The following CAST variants were observed in gnomAD, a reference collection of about 807,000 sequenced individuals.
The protein encoded by CAST is calpastatin, also known as MIR583 host.
Under a neutral mutation model 119.6 loss-of-function variants are expected in CAST, and 76 were observed. The observed-to-expected ratio is 0.64, with a 90% confidence interval of 0.53 to 0.77. CAST has a LOEUF of 0.77. Among genes scored for constraint, CAST ranks in the 30% least tolerant of loss-of-function variants. CAST has a pLI of 0.00. For missense variants in CAST, 953 were observed against 946.5 expected (o/e 1.01, Z -0.09); for synonymous variants, 319 against 331.6 (o/e 0.96, Z 0.41).
At chr5:96,035,047 A>ATATATATATATATATATTTAAG in the CAST span, among the ~76,000 whole-genome samples, 7 of 92,850 alleles carry the variant, frequency 7.5e-5, 1 homozygote, top group South Asian at 4.5e-4. Flanking sequence ...TTAAGTATAT[A>ATATATATATATATATATTTAAG]TATATATATA....
At chr5:96,485,906 G>A in the CAST span, among the ~76,000 whole-genome samples, 1 of 152,078 alleles carries the variant, frequency 6.6e-6, no homozygotes, top group Non-Finnish European at 1.5e-5. Flanking sequence ...ACAACTAAAA[G>A]TTAAGGTTTT....
chr5:96,215,424 G>GA, the CAST span: 1 of 152,126 alleles, frequency 6.6e-6, no homozygotes, highest in Non-Finnish European at 1.5e-5. Flanking sequence ...AATGTAGTGA[G>GA]AAGAGAGGCC....
At chr5:96,074,024 G>A in the CAST span, among the ~76,000 whole-genome samples, 1 of 152,250 alleles carries the variant, frequency 6.6e-6, no homozygotes, top group African/African-American at 2.4e-5. Flanking sequence ...CCCAAGCTAG[G>A]CTAATCACAT....
At chr5:96,469,879 A>ATTATATATATATTAT in the CAST span, among the ~76,000 whole-genome samples, 1 of 107,420 alleles carries the variant, frequency 9.3e-6, no homozygotes, top group Non-Finnish European at 2.2e-5. Context: ...ATATATATAT[A>ATTATATATATATTAT]ATATATATAT....
the CAST span, among the ~76,000 whole-genome samples, chr5:96,265,261 G>A: frequency 6.6e-6 from 1 of 152,002 alleles, no homozygotes; most frequent in Non-Finnish European, 1.5e-5. Context: ...CCAAAAGGAG[G>A]TGTGCGTGTG....
At chr5:96,593,697 A>C (rs947733212) in intron 1 of CAST, among the ~76,000 whole-genome samples, 3 of 152,194 alleles carry the variant, frequency 2.0e-5, no homozygotes, top group African/African-American at 7.2e-5. Context: ...CATGAGAGTG[A>C]ATGCTTCATG....
At chr5:96,561,786 G>GGTTTTTT (rs1189100090) in intron 1 of CAST, among the ~76,000 whole-genome samples, 1,617 of 105,186 alleles carry the variant, frequency 0.015, 225 homozygotes, top group Middle Eastern at 0.055. Context: ...TTATATATAT[G>GGTTTTTT]TTTTTTTTTG....
chr5:96,038,093 G>T, the CAST span, among the ~76,000 whole-genome samples: 1 of 152,114 alleles, frequency 6.6e-6, no homozygotes, highest in Non-Finnish European at 1.5e-5. Context: ...TGAAGGTCAT[G>T]CATCCTCAGT....
chr5:96,581,897 T>TAAAC (rs1746777123), intron 1 of CAST, among the ~76,000 whole-genome samples: 1 of 129,856 alleles, frequency 7.7e-6, no homozygotes, highest in African/African-American at 2.8e-5. Context: ...TCTCAAAAAA[T>TAAAC]AAATAAATAA....
the CAST span, among the ~76,000 whole-genome samples, chr5:96,515,644 T>C: frequency 6.6e-6 from 1 of 152,130 alleles, no homozygotes; most frequent in East Asian, 1.9e-4. Flanking sequence ...TTTTAGGAAA[T>C]GATGTTTCCC....
the CAST span, among the ~76,000 whole-genome samples, chr5:96,202,182 A>T: frequency 2.0e-4 from 30 of 152,190 alleles, no homozygotes; most frequent in South Asian, 6.0e-3. Context: ...TGAATGTCTA[A>T]TTTTAGAAAA....
chr5:96,689,630 T>C (rs1752494447), intron 2 of CAST, among the ~76,000 whole-genome samples: 1 of 152,178 alleles, frequency 6.6e-6, no homozygotes, highest in South Asian at 2.1e-4. Flanking sequence ...ATTCTCCTGA[T>C]AAGGAAATTG....
the CAST span, among the ~76,000 whole-genome samples, chr5:96,291,324 C>T: frequency 8.5e-5 from 13 of 152,338 alleles, 1 homozygote; most frequent in African/African-American, 3.1e-4. Context: ...CATATAAGCA[C>T]TCCTATGAAT....
chr5:96,401,485 G>T, the CAST span, among the ~76,000 whole-genome samples: 2 of 152,336 alleles, frequency 1.3e-5, no homozygotes, highest in African/African-American at 4.8e-5. Context: ...GGGAATCAGT[G>T]AGAATTTTTG....
the CAST span, among the ~76,000 whole-genome samples, chr5:96,034,399 G>A: frequency 2.1e-5 from 3 of 145,512 alleles, no homozygotes; most frequent in South Asian, 6.7e-4. Flanking sequence ...CAGTATGGAG[G>A]TTTCTCAAAT....
chr5:96,035,045 A>ATATATATATATATATATATATTTAAG, the CAST span, among the ~76,000 whole-genome samples: 6 of 98,432 alleles, frequency 6.1e-5, no homozygotes, highest in African/African-American at 1.6e-4. Context: ...ATTTAAGTAT[A>ATATATATATATATATATATATTTAAG]TATATATATA....
chr5:95,965,511 G>A, the CAST span, among the ~76,000 whole-genome samples: 131 of 152,256 alleles, frequency 8.6e-4, no homozygotes, highest in African/African-American at 2.9e-3. Context: ...TTAATACAAG[G>A]CAATGGCTTC....
the CAST span, among the ~76,000 whole-genome samples, chr5:96,336,790 AT>A: frequency 6.6e-6 from 1 of 152,308 alleles, no homozygotes; most frequent in East Asian, 1.9e-4. Context: ...AAAACACTCA[AT>A]TTGGAGTCAG....
the CAST span, among the ~76,000 whole-genome samples, chr5:96,275,863 C>A: frequency 6.6e-6 from 1 of 152,170 alleles, no homozygotes; most frequent in East Asian, 1.9e-4. Flanking sequence ...TTCTATCTAA[C>A]AAATGTTTTC....
Sources: gnomAD v4.1 joint callset for allele counts (sites outside exome capture counted in the v4.1 genomes callset) on GRCh38, gnomAD v4.1.1 for gene constraint, MANE v1.5 for transcripts, NCBI Gene and HGNC (gene_info 2026-07-23, HGNC 2026-07-21) for gene names.